The following BDNF variants were observed in gnomAD, a reference collection of about 807,000 sequenced individuals.
The protein encoded by BDNF is brain derived neurotrophic factor, also known as neurotrophic factor BDNF precursor form.
A neutral mutation model predicts 19.5 loss-of-function variants in BDNF; 1 was observed. The ratio of observed to expected loss-of-function variants is 0.05; its 90% CI spans 0.02 to 0.24. The LOEUF is 0.24. BDNF is among the 10% of genes least tolerant of loss of function. The pLI is 1.00. For missense variants in BDNF, 195 were observed against 317.6 expected (o/e 0.61, Z 2.93); for synonymous variants, 100 against 121.6 (o/e 0.82, Z 1.17).
At position 27,668,845 on chromosome 11, in the gene BDNF, C is replaced by G. The variant is rs554927024; in HGVS notation, c.-21-10260G>C. Among the ~76,000 whole-genome samples, 28 of 152,244 alleles carry G rather than the reference C, an allele frequency of 1.8e-4. 3 individuals carry two copies. In the South Asian group the frequency reaches 5.8e-3, roughly 32 times the overall value. ...ATTCTACCAGAGGTATAAGGAGGAG[C>G]TGGTACCATTCTGAAACTATTCTAA... On this transcript the variant is annotated intron_variant, in intron 1 of 1. Transcript: ENST00000356660.
At chr11:27,712,915 CTTTCTTTCTTTCTTTTTT>C (rs1744053747) in intron 1 of BDNF, among the ~76,000 whole-genome samples, 2 of 132,404 alleles carry the variant, frequency 1.5e-5, no homozygotes, top group South Asian at 5.2e-4. Context: ...GCAATTCTTT[CTTTCTTTCTTTCTTTTTT>C]TTTTTTTTTT....
rs989359188 is a variant in BDNF, at chr11:27,658,874, T to C, written c.-21-289A>G. 4.7e-5 allele frequency: 61 copies of C among 1,291,944 alleles called. No individual in the cohort carries two copies. In the African/African-American group the frequency reaches 5.6e-4, roughly 12 times the overall value. 80.0% of individuals were successfully genotyped at this position (1,291,944 alleles called of 1,614,324 possible). On this transcript the variant is annotated intron_variant, in intron 1 of 1. Transcript: ENST00000356660. The surrounding 1 kb of genome is among the most constrained non-coding windows in gnomAD (Gnocchi z 5.7). Reference sequence around the variant, plus strand: ...AAAAATTGTGGCTTCAAGTTCTCCTTCTTCCCACTTTAGCAGCTTTGTAAG... The same window carrying C: ...AAAAATTGTGGCTTCAAGTTCTCCTCCTTCCCACTTTAGCAGCTTTGTAAG...
intron 1 of BDNF, among the ~76,000 whole-genome samples, chr11:27,666,132 C>G (rs1241171276): frequency 6.7e-6 from 1 of 149,518 alleles, no homozygotes; most frequent in Non-Finnish European, 1.5e-5. Context: ...TCTGCAGCCT[C>G]TGCTGGTGAT....
At chr11:27,680,231 G>A (rs1052470546) in intron 1 of BDNF, among the ~76,000 whole-genome samples, 1 of 152,214 alleles carries the variant, frequency 6.6e-6, no homozygotes, top group Non-Finnish European at 1.5e-5. Flanking sequence ...ACAGTGCAAT[G>A]TGGTACATGC....
At chr11:27,720,774 G>C in intron 1 of BDNF, 2 of 986,576 alleles carry the variant, frequency 2.0e-6, no homozygotes, top group Non-Finnish European at 2.4e-6. Flanking sequence ...AGTGATACTT[G>C]ATATTGCTCT....
upstream of BDNF, chr11:27,701,613 G>C: frequency 4.1e-6 from 4 of 986,564 alleles, no homozygotes; most frequent in Non-Finnish European, 3.6e-6. Context: ...AGCCCTCTCC[G>C]CGGTGAATGG....
chr11:27,711,608 C>A (rs147068991), intron 1 of BDNF, among the ~76,000 whole-genome samples: 92 of 152,248 alleles, frequency 6.0e-4, no homozygotes, highest in Non-Finnish European at 1.0e-3. Flanking sequence ...ACTTTGGAAC[C>A]AGAAAACTTT....
At chr11:27,668,466 C>G (rs1464678933) in intron 1 of BDNF, among the ~76,000 whole-genome samples, 2 of 151,936 alleles carry the variant, frequency 1.3e-5, no homozygotes, top group Non-Finnish European at 2.9e-5. Context: ...ATCAATGAAC[C>G]CAGGAGCTGG....
At chr11:27,710,578 C>G (rs72881261) in intron 1 of BDNF, among the ~76,000 whole-genome samples, 8,529 of 152,250 alleles carry the variant, frequency 0.056, 599 homozygotes, top group African/African-American at 0.17. Flanking sequence ...AATAAACATT[C>G]TAGTCCCCAA....
At chr11:27,699,341 C>T (rs747517630) in intron 1 of BDNF, 1 of 1,613,032 alleles carries the variant, frequency 6.2e-7, no homozygotes, top group Non-Finnish European at 8.5e-7. Flanking sequence ...GCACAGAGCC[C>T]CCAATCCTCA....
chr11:27,657,383 G>A lies in BDNF; in HGVS notation c.*438C>T. ...AGTTAAAAGCAGTAAAACAGATATA[G>A]TACTAACAAGAACGAAGATACTTAC... On this transcript the variant is annotated 3_prime_UTR_variant, in exon 2 of 2. Transcript: ENST00000356660. The surrounding 1 kb of genome is among the most constrained non-coding windows in gnomAD (Gnocchi z 5.0). The A allele has an allele frequency of 9.7e-7, 1 of 1,027,834 alleles. No homozygotes were observed. Among genetic ancestry groups the A allele is most frequent in the Non-Finnish European group, 1.2e-6 (1 of 855,540 alleles). 63.7% of individuals were successfully genotyped at this position (1,027,834 alleles called of 1,614,324 possible).
At chr11:27,709,693 A>G (rs1303967792) in intron 1 of BDNF, among the ~76,000 whole-genome samples, 12 of 152,180 alleles carry the variant, frequency 7.9e-5, no homozygotes, top group African/African-American at 2.2e-4. Flanking sequence ...CACTAGCCCA[A>G]GATTGTTCAG....
intron 1 of BDNF, among the ~76,000 whole-genome samples, chr11:27,699,181 T>A (rs920878186): frequency 7.1e-6 from 1 of 141,014 alleles, no homozygotes; most frequent in Non-Finnish European, 1.5e-5. Context: ...GGTCCCCTCC[T>A]CCTCCTCGCC....
upstream of BDNF, chr11:27,701,601 G>C: frequency 1.0e-6 from 1 of 986,868 alleles, no homozygotes; most frequent in Non-Finnish European, 1.2e-6. Flanking sequence ...GGCAGCGAGA[G>C]CAGCCCTCTC....
rs532182640 is a variant in BDNF at position 27,656,588 on chromosome 11, C to T, written c.*1233G>A. The T allele has an allele frequency of 2.0e-6, 2 of 985,828 alleles. No individual in the cohort carries two copies. The highest frequency in any genetic ancestry group is 4.7e-5 in the South Asian group (1 of 21,280). The allele number at this position is 985,828 out of a possible 1,614,324, so 61.1% of individuals were successfully genotyped here. ...CTGCCGGTAAATGCAATGCCAACTC[C>T]ACATAGCCTCCATTTGGCTGTTCAG... On this transcript the variant is annotated 3_prime_UTR_variant, in exon 2 of 2. Transcript: ENST00000356660.
intron 1 of BDNF, among the ~76,000 whole-genome samples, chr11:27,715,423 C>A (rs1860475227): frequency 6.6e-6 from 1 of 152,044 alleles, no homozygotes; most frequent in Non-Finnish European, 1.5e-5. Context: ...TCTTCTTATT[C>A]TTTGTATTTG....
chr11:27,660,650 C>T (rs929011702), intron 1 of BDNF, among the ~76,000 whole-genome samples: 1 of 151,952 alleles, frequency 6.6e-6, no homozygotes, highest in Non-Finnish European at 1.5e-5. Context: ...TTTCTGTGAT[C>T]AGCTATTTTT....
intron 1 of BDNF, chr11:27,721,332 T>C (rs1860735330): frequency 6.6e-7 from 1 of 1,525,014 alleles, no homozygotes; most frequent in Admixed American, 1.7e-5. Context: ...TGTGAAGTGC[T>C]AGGAAGAGCC....
chr11:27,669,989 C>T (rs183649896), intron 1 of BDNF, among the ~76,000 whole-genome samples: 20 of 152,212 alleles, frequency 1.3e-4, no homozygotes, highest in East Asian at 5.8e-4. Flanking sequence ...GGAGGCATCA[C>T]GCTACCTGAC....
Sources: allele counts gnomAD v4.1 joint callset (sites outside exome capture counted in the v4.1 genomes callset), GRCh38; gene constraint gnomAD v4.1.1; non-coding constraint Gnocchi (gnomAD v3.1); transcripts MANE v1.5; gene names NCBI Gene and HGNC (gene_info 2026-07-23, HGNC 2026-07-21).